The following RBFOX3 variants were observed in gnomAD, a reference collection of about 807,000 sequenced individuals.
RBFOX3 encodes the protein RNA binding fox-1 homolog 3.
Under a neutral mutation model 48.7 loss-of-function variants are expected in RBFOX3, and 17 were observed. The observed-to-expected ratio is 0.35, with a 90% CI of 0.24 to 0.52. RBFOX3 has a LOEUF of 0.52. Ranked by LOEUF, RBFOX3 falls within the 20% of genes least tolerant of loss-of-function variation. The pLI is 0.94. For synonymous variants in RBFOX3, 212 were observed against 209.5 expected, an observed-to-expected ratio of 1.01 and a Z score of -0.10; for missense variants, 382 against 497.5, an observed-to-expected ratio of 0.77 and a Z score of 2.21.
chr17:79,488,041 C>T (rs1289202643), intron 1 of RBFOX3, among the ~76,000 whole-genome samples: 1 of 151,750 alleles, frequency 6.6e-6, no homozygotes, highest in Admixed American at 6.6e-5. Context: ...GTGGAATGAA[C>T]TTCCCATTCT....
chr17:79,596,894 C>T (rs1410225307), intron 1 of RBFOX3, among the ~76,000 whole-genome samples: 2 of 152,208 alleles, frequency 1.3e-5, no homozygotes, highest in Non-Finnish European at 2.9e-5. Context: ...TGCTCACCGC[C>T]TTAGATACAC....
At chr17:79,123,249 G>A (rs1410103855) in intron 4 of RBFOX3, among the ~76,000 whole-genome samples, 2 of 152,190 alleles carry the variant, frequency 1.3e-5, no homozygotes, top group Non-Finnish European at 2.9e-5. Flanking sequence ...AAATGCTTGA[G>A]GAGGTGGACA....
intron 9 of RBFOX3, chr17:79,099,842 G>T (rs1836037355): frequency 6.6e-6 from 1 of 152,224 alleles, no homozygotes; most frequent in African/African-American, 2.4e-5. Flanking sequence ...AACCTGGTGG[G>T]TTTGTTTTCT....
chr17:79,598,036 G>A (rs2093610047), intron 1 of RBFOX3: 1 of 69,664 alleles, frequency 1.4e-5, no homozygotes, highest in Non-Finnish European at 2.8e-5. Context: ...ATCAGAAGGA[G>A]TCTTGGCTTC....
intron 2 of RBFOX3, among the ~76,000 whole-genome samples, chr17:79,404,487 G>T (rs1339799647): frequency 2.0e-5 from 3 of 152,360 alleles, no homozygotes; most frequent in Non-Finnish European, 1.5e-5. Context: ...CTGGCCCAAA[G>T]ATGGCAGGAG....
chr17:79,644,261 A>T, the RBFOX3 span, among the ~76,000 whole-genome samples: 1 of 147,736 alleles, frequency 6.8e-6, no homozygotes, highest in East Asian at 2.0e-4. Context: ...ACATTCAAAG[A>T]AGAAATAATT....
chr17:79,544,732 C>T (rs1402222826), intron 1 of RBFOX3, among the ~76,000 whole-genome samples: 2 of 151,930 alleles, frequency 1.3e-5, no homozygotes, highest in Non-Finnish European at 2.9e-5. Flanking sequence ...GTCCCTGGAG[C>T]CGCCTCCTCG....
the RBFOX3 span, among the ~76,000 whole-genome samples, chr17:79,633,081 G>C: frequency 6.6e-6 from 1 of 152,262 alleles, no homozygotes; most frequent in Non-Finnish European, 1.5e-5. Context: ...CTCAAGGAGA[G>C]TTTCTCCTAA....
intron 1 of RBFOX3, among the ~76,000 whole-genome samples, chr17:79,501,143 C>T (rs1598958793): frequency 6.6e-6 from 1 of 152,274 alleles, no homozygotes; most frequent in South Asian, 2.1e-4. Context: ...ATGGTTATGA[C>T]AACAAAAACT....
intron 4 of RBFOX3, among the ~76,000 whole-genome samples, chr17:79,170,300 T>G (rs893581014): frequency 1.3e-5 from 2 of 151,862 alleles, no homozygotes; most frequent in African/African-American, 4.8e-5. Flanking sequence ...CATGGCTGGC[T>G]GGGGTACCGG....
chr17:79,496,898 A>C (rs1052250597), intron 1 of RBFOX3, among the ~76,000 whole-genome samples: 1 of 152,150 alleles, frequency 6.6e-6, no homozygotes, highest in Non-Finnish European at 1.5e-5. Context: ...GGGCATGGAA[A>C]TCTTCCTGAG....
Position 79,392,249 on chromosome 17 carries a change from C to G in RBFOX3, c.-174-84425G>C, listed in dbSNP as rs920478702. The stretch of plus-strand genomic sequence containing the variant: ...TTATGCCAACGATTGTTCCAGAATC[C>G]AAACTCACACAGCAGAGAGAGGCAG... On this transcript the variant is annotated intron_variant, in intron 2 of 14. Transcript: ENST00000693108. This position sits in a 1 kb window ranked among gnomAD's most constrained non-coding sequence, Gnocchi z 5.0. Among the ~76,000 whole-genome samples the G allele has an allele frequency of 2.6e-5, 4 of 152,194 alleles. No individual in the cohort carries two copies. The highest frequency in any genetic ancestry group is 4.4e-5 in the Non-Finnish European group (3 of 68,040).
At chr17:79,255,863 T>C (rs1214499173) in intron 3 of RBFOX3, among the ~76,000 whole-genome samples, 1 of 151,282 alleles carries the variant, frequency 6.6e-6, no homozygotes, top group Non-Finnish European at 1.5e-5. Flanking sequence ...GTGTAGGGAC[T>C]GAATCGACAC....
chr17:79,123,105 T>G (rs1027328754), intron 4 of RBFOX3, among the ~76,000 whole-genome samples: 1 of 151,840 alleles, frequency 6.6e-6, no homozygotes, highest in Non-Finnish European at 1.5e-5. Flanking sequence ...GGTTAATGGG[T>G]ACAAAAGAGC....
intron 4 of RBFOX3, among the ~76,000 whole-genome samples, chr17:79,230,327 T>C (rs2060863912): frequency 6.6e-6 from 1 of 152,194 alleles, no homozygotes. Flanking sequence ...TGGTACGATC[T>C]TGGCTCACTG....
At chr17:79,574,465 G>A (rs1284913106) in intron 1 of RBFOX3, among the ~76,000 whole-genome samples, 7 of 152,144 alleles carry the variant, frequency 4.6e-5, no homozygotes, top group African/African-American at 1.7e-4. Flanking sequence ...TGGATTAGCT[G>A]CTAAGAGACA....
At chr17:79,093,076 C>T (rs1405850167) in intron 14 of RBFOX3, among the ~76,000 whole-genome samples, 1 of 152,220 alleles carries the variant, frequency 6.6e-6, no homozygotes, top group Non-Finnish European at 1.5e-5. Flanking sequence ...AGCCTGGGGC[C>T]ACTGAAGCCA....
Position 79,103,485 on chromosome 17 carries a change from C to T in RBFOX3, c.415-231G>A, listed in dbSNP as rs370124808. On this transcript the variant is annotated intron_variant, in intron 7 of 14. Coordinates refer to ENST00000693108, the MANE Select transcript of RBFOX3 (RefSeq NM_001350451.2). The surrounding 1 kb of genome is among the most constrained non-coding windows in gnomAD (Gnocchi z 6.1). ...GGGCCCCAGGGGGGCAGCTGCTGAC[C>T]CAGCCTGAGCCCAGCCTGAGCTGAT... Among the ~76,000 whole-genome samples, 4 of 152,222 alleles carry T rather than the reference C, an allele frequency of 2.6e-5. No homozygotes were observed. The East Asian group carries it at 7.8e-4, about 30-fold the overall frequency.
At chr17:79,377,465 A>G (rs1179742509) in intron 2 of RBFOX3, among the ~76,000 whole-genome samples, 1 of 152,092 alleles carries the variant, frequency 6.6e-6, no homozygotes, top group East Asian at 1.9e-4. Context: ...ATGCGCACGC[A>G]CACACACACA....
Sources: allele counts gnomAD v4.1 joint callset (sites outside exome capture counted in the v4.1 genomes callset), GRCh38; gene constraint gnomAD v4.1.1; non-coding constraint Gnocchi (gnomAD v3.1); transcripts MANE v1.5; gene names NCBI Gene and HGNC (gene_info 2026-07-23, HGNC 2026-07-21).